Variants in DNAI7 observed in about 807,000 individuals in gnomAD.
DNAI7 encodes cancer susceptibility 1.
DNAI7 carries 78 observed loss-of-function variants against 86.6 expected under a neutral mutation model. That is an observed-to-expected ratio of 0.90 (90% confidence interval 0.75 to 1.09). The LOEUF (loss-of-function observed/expected upper bound fraction) is 1.09, where lower values mean the gene tolerates loss of function less well. DNAI7 is among the 50% of genes least tolerant of loss of function. The pLI, the probability that DNAI7 is intolerant of heterozygous loss-of-function variation, is 0.00. For missense variants in DNAI7, 753 were observed against 810.2 expected (o/e 0.93, Z 0.86); for synonymous variants, 274 against 273.0 (o/e 1.00, Z -0.04).
chr12:25,122,818 G>A (rs1941530272), intron 10 of DNAI7, among the ~76,000 whole-genome samples: 1 of 152,152 alleles, frequency 6.6e-6, no homozygotes, highest in Non-Finnish European at 1.5e-5. Context: ...TATCAATAGG[G>A]ATTTAAAAAG....
At chr12:25,160,928 T>A in intron 3 of DNAI7, 185 bp downstream of exon 3, 1 of 444,226 alleles carries the variant, frequency 2.3e-6, no homozygotes, top group Non-Finnish European at 4.0e-6. Context: ...ATTCAATATA[T>A]ATCTGAAAGA....
At chr12:25,116,196 G>C (rs1326434817) in intron 12 of DNAI7, among the ~76,000 whole-genome samples, 1 of 150,468 alleles carries the variant, frequency 6.6e-6, no homozygotes, top group Non-Finnish European at 1.5e-5. Flanking sequence ...TCCTGCTCTC[G>C]ATTGGAGGGT....
intron 2 of DNAI7, among the ~76,000 whole-genome samples, chr12:25,162,430 A>T (rs1220000348): frequency 2.0e-5 from 3 of 152,380 alleles, no homozygotes; most frequent in Admixed American, 2.0e-4. Flanking sequence ...AGCAAAGGTC[A>T]GTGCTACATA....
intron 2 of DNAI7, among the ~76,000 whole-genome samples, chr12:25,172,683 C>T (rs1948269076): frequency 6.6e-6 from 1 of 152,124 alleles, no homozygotes; most frequent in South Asian, 2.1e-4. Flanking sequence ...GGAGGCATTA[C>T]ACTAGCTGAT....
intron 2 of DNAI7, among the ~76,000 whole-genome samples, chr12:25,188,598 C>A (rs562827228): frequency 6.6e-6 from 1 of 150,972 alleles, no homozygotes; most frequent in Non-Finnish European, 1.5e-5. Flanking sequence ...TACTTGAACC[C>A]GGGAGGCGAA....
At chr12:25,191,657 C>T (rs967605031) in intron 1 of DNAI7, among the ~76,000 whole-genome samples, 14 of 151,976 alleles carry the variant, frequency 9.2e-5, no homozygotes, top group African/African-American at 3.4e-4. Context: ...AAGCCAACAT[C>T]GCACCACTGC....
intron 2 of DNAI7, among the ~76,000 whole-genome samples, chr12:25,179,733 C>G (rs1443761999): frequency 6.6e-6 from 1 of 151,472 alleles, no homozygotes; most frequent in African/African-American, 2.4e-5. Flanking sequence ...ATCCAATATC[C>G]TTTCATGATT....
intron 9 of DNAI7, among the ~76,000 whole-genome samples, chr12:25,135,185 A>AC (rs1349040415): frequency 1.3e-5 from 2 of 152,252 alleles, no homozygotes; most frequent in East Asian, 3.8e-4. Flanking sequence ...CTGCCTCCAA[A>AC]CACACATCCT....
intron 3 of DNAI7, 48 bp downstream of exon 3, chr12:25,161,065 C>A (rs763273172): frequency 1.4e-6 from 2 of 1,398,748 alleles, no homozygotes; most frequent in South Asian, 1.2e-5. Context: ...ACCAACCTAT[C>A]GTGACTATTA....
At chr12:25,161,361 CAG>C (rs1197603297) in intron 2 of DNAI7, among the ~76,000 whole-genome samples, 164 bp from the exon 3 acceptor site, 3 of 152,242 alleles carry the variant, frequency 2.0e-5, no homozygotes, top group African/African-American at 7.2e-5. Context: ...AGCTTTGACT[CAG>C]TGCACTGAAG....
intron 13 of DNAI7, among the ~76,000 whole-genome samples, chr12:25,113,419 G>A (rs1693360): frequency 1 from 151,926 of 152,190 alleles, 75,834 homozygotes; most frequent in Non-Finnish European, 1. Context: ...CTTCCGCCTC[G>A]GCCTCCTGAG....
At chr12:25,160,046 T>C (rs1489467228) in intron 3 of DNAI7, among the ~76,000 whole-genome samples, 1 of 152,158 alleles carries the variant, frequency 6.6e-6, no homozygotes, top group Non-Finnish European at 1.5e-5. Flanking sequence ...TTCCCACATT[T>C]AATGAATTTG....
intron 13 of DNAI7, among the ~76,000 whole-genome samples, chr12:25,112,572 A>T (rs1397072543): frequency 6.6e-6 from 1 of 151,654 alleles, no homozygotes; most frequent in Admixed American, 6.6e-5. Flanking sequence ...ACACCCGGCT[A>T]ATTTTTTGTA....
intron 9 of DNAI7, among the ~76,000 whole-genome samples, chr12:25,141,771 A>T (rs941612185): frequency 1.3e-5 from 2 of 152,094 alleles, no homozygotes; most frequent in African/African-American, 2.4e-5. Context: ...TGGAGGTTGC[A>T]GTGAGCTGAG....
rs76458764 is a variant in DNAI7 at position 25,159,791 on chromosome 12, G to T, written c.107-1228C>A. On this transcript the variant is annotated intron_variant, in intron 3 of 15. Coordinates refer to ENST00000395987, the MANE Select transcript of DNAI7 (RefSeq NM_018272.5). ...TATTGTATTTGTATCAGGAGTCACC[G>T]AAAAAAAAGGATGTATAAAATTATA... Among the ~76,000 whole-genome samples the T allele has an allele frequency of 9.4e-3, 1,416 of 151,388 alleles. 18 individuals are homozygous for T. Among genetic ancestry groups the T allele is most frequent in the African/African-American group, 0.033 (1,345 of 41,352 alleles).
At chr12:25,125,087 C>T (rs1476902070) in intron 9 of DNAI7, among the ~76,000 whole-genome samples, 4 of 152,152 alleles carry the variant, frequency 2.6e-5, no homozygotes, top group African/African-American at 9.7e-5. Flanking sequence ...CATTCACGTT[C>T]ATGTGACTTT....
chr12:25,167,015 G>A (rs1033598541), intron 2 of DNAI7, among the ~76,000 whole-genome samples: 8 of 152,062 alleles, frequency 5.3e-5, no homozygotes, highest in Admixed American at 2.6e-4. Context: ...CAGTATTCCA[G>A]ATACCACACC....
In DNAI7 at chr12:25,114,888, A is replaced by AC. The variant is rs751019876; in HGVS notation, c.1397-19_1397-18insG. 2.5e-5 allele frequency: 38 copies of AC among 1,544,956 alleles called. No homozygotes were observed. Among genetic ancestry groups the AC allele is most frequent in the Non-Finnish European group, 3.4e-5 (38 of 1,125,008 alleles). On this transcript the variant is annotated intron_variant, in intron 12 of 15. Coordinates refer to ENST00000395987, the MANE Select transcript of DNAI7 (RefSeq NM_018272.5). ...ATGTTTACCTTTATAATTGATGAAG[A>AC]AAGTGACACTAGTTTCATTTTTTCC...
At chr12:25,114,065 C>T (rs1238132448) in intron 13 of DNAI7, among the ~76,000 whole-genome samples, 1 of 150,960 alleles carries the variant, frequency 6.6e-6, no homozygotes, top group Non-Finnish European at 1.5e-5. Context: ...TTTGCCTCAG[C>T]CTCCTGAGTA....
Sources: allele counts gnomAD v4.1 joint callset (sites outside exome capture counted in the v4.1 genomes callset), GRCh38; gene constraint gnomAD v4.1.1; transcripts MANE v1.5; gene names NCBI Gene and HGNC (gene_info 2026-07-23, HGNC 2026-07-21).